EPHA6: variants seen among roughly 807,000 people sequenced by gnomAD.
EPHA6 encodes the protein ephrin type-A receptor 6.
In EPHA6, 50 loss-of-function variants were observed where a neutral mutation model predicts 112.0. That is an observed-to-expected ratio of 0.45 (90% CI 0.36 to 0.56). EPHA6 has a LOEUF of 0.56. Ranked by LOEUF, EPHA6 falls within the 20% of genes least tolerant of loss-of-function variation. The pLI is 0.00. For synonymous variants in EPHA6, 529 were observed against 490.7 expected (o/e 1.08, Z -1.03); for missense variants, 1,280 against 1,417.4 (o/e 0.90, Z 1.56).
chr3:97,146,833 G>T (rs1425173759), intron 3 of EPHA6, among the ~76,000 whole-genome samples: 2 of 151,292 alleles, frequency 1.3e-5, no homozygotes, highest in Non-Finnish European at 2.9e-5. Context: ...CTGCACTACT[G>T]CCAGAATACT....
chr3:96,895,612 T>C (rs745373054), intron 2 of EPHA6, among the ~76,000 whole-genome samples: 1 of 152,222 alleles, frequency 6.6e-6, no homozygotes, highest in Non-Finnish European at 1.5e-5. Context: ...CCCTTCATGG[T>C]AATTGACCTA....
At chr3:96,817,974 C>G (rs896145258) in intron 1 of EPHA6, among the ~76,000 whole-genome samples, 2 of 151,830 alleles carry the variant, frequency 1.3e-5, no homozygotes, top group Middle Eastern at 6.3e-3. Context: ...CTCCTTGAAT[C>G]GATCAGAAAG....
intron 3 of EPHA6, among the ~76,000 whole-genome samples, chr3:97,150,767 A>G (rs2076152496): frequency 6.6e-6 from 1 of 151,774 alleles, no homozygotes; most frequent in Non-Finnish European, 1.5e-5. Flanking sequence ...CCTTTTCCTT[A>G]TTTGTAGAAA....
intron 11 of EPHA6, among the ~76,000 whole-genome samples, chr3:97,540,200 C>G (rs2092830340): frequency 6.6e-6 from 1 of 152,116 alleles, no homozygotes; most frequent in Admixed American, 6.5e-5. Context: ...ATACTTTTTG[C>G]TGTTGTTCAA....
At chr3:97,211,976 T>G (rs1480461225) in intron 3 of EPHA6, among the ~76,000 whole-genome samples, 3 of 152,228 alleles carry the variant, frequency 2.0e-5, no homozygotes, top group African/African-American at 7.2e-5. Flanking sequence ...ATGGTTTTGT[T>G]GTAGTTATTA....
chr3:96,980,684 G>C (rs2042730742), intron 2 of EPHA6, among the ~76,000 whole-genome samples: 1 of 152,144 alleles, frequency 6.6e-6, no homozygotes, highest in South Asian at 2.1e-4. Context: ...CTACCCATGA[G>C]CATGGAATGT....
Position 97,244,046 on chromosome 3 carries a change from A to C in EPHA6, c.1365A>C (p.Lys455Asn). ...CACCAAGTGACACAGGAGGGAGAAAAGATCTCACATACAGTGTAATCTGTA... is the reference window on the plus strand; with the variant it reads ...CACCAAGTGACACAGGAGGGAGAAACGATCTCACATACAGTGTAATCTGTA... ...WSPPSDTGGR[K>N]DLTYSVICKK... The change falls in exon 5 of 18, where the codon AAA becomes AAC. Residue 455 changes from lysine to asparagine, a missense_variant. Lys to Asn is a moderately conservative substitution (Grantham distance 94). This residue lies in a region of EPHA6 where 878 missense variants were observed against 999.7 expected (regional missense o/e 0.88). Transcript: ENST00000389672. 1 of 1,612,812 alleles carries C rather than the reference A, an allele frequency of 6.2e-7. No homozygotes were observed. Among genetic ancestry groups the C allele is most frequent in the South Asian group, 1.1e-5 (1 of 91,040 alleles).
At chr3:97,703,153 T>C (rs1262127166) in intron 14 of EPHA6, among the ~76,000 whole-genome samples, 1 of 152,156 alleles carries the variant, frequency 6.6e-6, no homozygotes, top group Non-Finnish European at 1.5e-5. Context: ...TTCCTCTAGA[T>C]TCCTAAAAGA....
At chr3:97,187,723 AAG>A (rs1491056364) in intron 3 of EPHA6, among the ~76,000 whole-genome samples, 1 of 150,270 alleles carries the variant, frequency 6.7e-6, no homozygotes, top group South Asian at 2.1e-4. Context: ...GAAAGAAAGA[AAG>A]AAAGAAAGAA....
intron 3 of EPHA6, among the ~76,000 whole-genome samples, chr3:96,999,284 G>A (rs2043541298): frequency 6.6e-6 from 1 of 151,866 alleles, no homozygotes; most frequent in South Asian, 2.1e-4. Context: ...TTTAAATAGA[G>A]AAAATTTAAG....
intron 2 of EPHA6, among the ~76,000 whole-genome samples, chr3:96,904,064 C>T (rs1404643105): frequency 2.0e-5 from 3 of 152,048 alleles, no homozygotes; most frequent in African/African-American, 7.2e-5. Context: ...CCTCAGGGAT[C>T]TAGAACTAGA....
chr3:97,704,345 T>G (rs927562264), intron 14 of EPHA6, among the ~76,000 whole-genome samples: 3 of 152,200 alleles, frequency 2.0e-5, no homozygotes, highest in African/African-American at 7.2e-5. Flanking sequence ...ATTGAGACCT[T>G]GGATAGAACA....
chr3:97,079,512 C>G (rs975782230), intron 3 of EPHA6, among the ~76,000 whole-genome samples: 1 of 151,198 alleles, frequency 6.6e-6, no homozygotes, highest in Non-Finnish European at 1.5e-5. Context: ...GCCTTAATAC[C>G]TGGGTGATGA....
At chr3:97,133,536 A>G (rs866867770) in intron 3 of EPHA6, among the ~76,000 whole-genome samples, 39 of 152,172 alleles carry the variant, frequency 2.6e-4, no homozygotes, top group African/African-American at 8.4e-4. Context: ...CTTACTTTCA[A>G]GTGCTAAGAG....
intron 2 of EPHA6, among the ~76,000 whole-genome samples, chr3:96,926,944 G>T (rs114158005): frequency 0.014 from 2,185 of 152,276 alleles, 55 homozygotes; most frequent in African/African-American, 0.05. Flanking sequence ...GACTCTGTGT[G>T]GGGGCGTCAA....
At chr3:97,335,879 G>A (rs1341810692) in intron 5 of EPHA6, among the ~76,000 whole-genome samples, 1 of 152,018 alleles carries the variant, frequency 6.6e-6, no homozygotes, top group Admixed American at 6.6e-5. Flanking sequence ...TCTGCTTGGT[G>A]GGGTCAGAGA....
intron 11 of EPHA6, among the ~76,000 whole-genome samples, chr3:97,580,662 G>A (rs1386681374): frequency 1.3e-5 from 2 of 152,086 alleles, no homozygotes; most frequent in African/African-American, 4.8e-5. Flanking sequence ...GTCTCAACAT[G>A]CCCAGTTTTA....
chr3:97,298,350 A>T (rs2080953609), intron 5 of EPHA6, among the ~76,000 whole-genome samples: 1 of 152,190 alleles, frequency 6.6e-6, no homozygotes, highest in South Asian at 2.1e-4. Context: ...CTATGATTGC[A>T]CTTTTCCCCA....
At chr3:96,867,521 T>A (rs2036387927) in intron 2 of EPHA6, among the ~76,000 whole-genome samples, 5 of 151,850 alleles carry the variant, frequency 3.3e-5, no homozygotes, top group African/African-American at 9.7e-5. Flanking sequence ...ACAATATATG[T>A]CTACTTCTCA....
Sources: allele counts gnomAD v4.1 joint callset (sites outside exome capture counted in the v4.1 genomes callset), GRCh38; gene constraint gnomAD v4.1.1; regional missense constraint gnomAD v4.1.1; transcripts MANE v1.5; gene names NCBI Gene and HGNC (gene_info 2026-07-23, HGNC 2026-07-21).